The following RABGEF1 variants were observed in gnomAD, a reference collection of about 807,000 sequenced individuals.
RABGEF1 encodes rab5 GDP/GTP exchange factor.
A neutral mutation model predicts 57.3 loss-of-function variants in RABGEF1; 26 were observed. That is an observed-to-expected ratio of 0.45 (90% CI 0.33 to 0.63). RABGEF1 has a LOEUF of 0.63. RABGEF1 is among the 20% of genes least tolerant of loss of function. RABGEF1 has a pLI of 0.02. For missense variants in RABGEF1, 464 were observed against 607.6 expected, an observed-to-expected ratio of 0.76 and a Z score of 2.48; for synonymous variants, 185 against 210.7, an observed-to-expected ratio of 0.88 and a Z score of 1.06.
At chr7:66,805,621 CAT>C (rs1788265048) in intron 8 of RABGEF1, among the ~76,000 whole-genome samples, 1 of 152,244 alleles carries the variant, frequency 6.6e-6, no homozygotes. Flanking sequence ...AAACAGATGA[CAT>C]GTGTTGGGCA....
At chr7:66,755,965 A>G (rs1802608051) in intron 1 of RABGEF1, 1 of 972,456 alleles carries the variant, frequency 1.0e-6, no homozygotes, top group Non-Finnish European at 1.5e-6. Context: ...TGACATTCAC[A>G]TTCATTTTGG....
chr7:66,679,474 A>C (rs569799682), upstream of RABGEF1, among the ~76,000 whole-genome samples: 163 of 152,016 alleles, frequency 1.1e-3, no homozygotes, highest in African/African-American at 3.6e-3. Context: ...ACGCCTGGCT[A>C]ATGTTTGTAT....
intron 1 of RABGEF1, among the ~76,000 whole-genome samples, chr7:66,709,462 A>G (rs1285181022): frequency 2.0e-5 from 3 of 152,310 alleles, no homozygotes; most frequent in African/African-American, 7.2e-5. Flanking sequence ...AAATCAGTAT[A>G]CATATTACAG....
At chr7:66,730,101 C>G (rs954371067) in intron 2 of RABGEF1, among the ~76,000 whole-genome samples, 3 of 152,228 alleles carry the variant, frequency 2.0e-5, no homozygotes, top group Admixed American at 6.5e-5. Flanking sequence ...CTCTTCAGGC[C>G]TCCCTTTCTC....
At chr7:66,683,914 A>C (rs149745361) in intron 1 of RABGEF1, among the ~76,000 whole-genome samples, 2,264 of 152,060 alleles carry the variant, frequency 0.015, 40 homozygotes, top group Non-Finnish European at 0.017. Flanking sequence ...CTGATTTTTA[A>C]AGATTTTGTA....
At chr7:66,803,900 A>C (rs147043305) in intron 7 of RABGEF1, among the ~76,000 whole-genome samples, 1 of 151,732 alleles carries the variant, frequency 6.6e-6, no homozygotes, top group African/African-American at 2.4e-5. Context: ...AAAAAAAAAA[A>C]AAAGAAAGAA....
intron 1 of RABGEF1, among the ~76,000 whole-genome samples, chr7:66,768,299 CCT>C (rs1445308888): frequency 6.6e-6 from 1 of 152,134 alleles, no homozygotes; most frequent in Non-Finnish European, 1.5e-5. Context: ...GTAGCAAAGG[CCT>C]CTCATGGAAA....
At chr7:66,711,377 C>T (rs1167482520) in intron 1 of RABGEF1, among the ~76,000 whole-genome samples, 1 of 149,700 alleles carries the variant, frequency 6.7e-6, no homozygotes, top group African/African-American at 2.4e-5. Context: ...TTTAGTCTTA[C>T]ATTTAGATCT....
intron 2 of RABGEF1, among the ~76,000 whole-genome samples, chr7:66,730,246 T>C (rs1797146711): frequency 6.6e-6 from 1 of 152,146 alleles, no homozygotes. Context: ...CCTGGGAGCA[T>C]TTCCAGCCTC....
intron 1 of RABGEF1, among the ~76,000 whole-genome samples, chr7:66,700,494 G>A (rs1461305013): frequency 6.6e-6 from 1 of 152,086 alleles, no homozygotes; most frequent in Admixed American, 6.6e-5. Flanking sequence ...CCCCGGAGGG[G>A]GAGGTAGGGG....
chr7:66,752,981 C>G (rs1801782508), intron 1 of RABGEF1, among the ~76,000 whole-genome samples: 1 of 152,152 alleles, frequency 6.6e-6, no homozygotes, highest in Non-Finnish European at 1.5e-5. Context: ...CTCCTCAGTT[C>G]CTGGCACTGT....
the RABGEF1 span, among the ~76,000 whole-genome samples, chr7:66,655,351 G>A: frequency 6.6e-6 from 1 of 151,848 alleles, no homozygotes; most frequent in Non-Finnish European, 1.5e-5. Context: ...TAGGCAGCTG[G>A]CGGTGTCTCA....
In RABGEF1 at chr7:66,778,644, AG is replaced by A. The variant is rs1444192336; in HGVS notation, c.346+3252del. On this transcript the variant is annotated intron_variant, in intron 3 of 8. Transcript: ENST00000284957. ...TACCAATACCACCCAGACCTTAGAA[AG>A]TAAACCTATTATTCATTAAAGTGAA... Among the ~76,000 whole-genome samples the A allele has an allele frequency of 3.3e-5, 5 of 152,304 alleles. No individual in the cohort carries two copies. The East Asian group carries it at 9.6e-4, about 29-fold the overall frequency.
At chr7:66,777,924 ATTGT>A (rs1166624005) in intron 3 of RABGEF1, among the ~76,000 whole-genome samples, 2 of 152,060 alleles carry the variant, frequency 1.3e-5, no homozygotes, top group African/African-American at 2.4e-5. Context: ...TGTACTTTAG[ATTGT>A]TTGTTCTTTA....
At chr7:66,732,468 G>C (rs987616197) in intron 2 of RABGEF1, among the ~76,000 whole-genome samples, 3 of 152,076 alleles carry the variant, frequency 2.0e-5, no homozygotes, top group Non-Finnish European at 4.4e-5. Flanking sequence ...GACTTTCCAG[G>C]TGAGAGGAGG....
At chr7:66,744,062 G>C (rs1411577238) in intron 1 of RABGEF1, among the ~76,000 whole-genome samples, 2 of 146,622 alleles carry the variant, frequency 1.4e-5, no homozygotes, top group African/African-American at 2.5e-5. Context: ...TTTTAAGACG[G>C]AGTCTTGATC....
At chr7:66,746,726 C>T (rs1391898388) in intron 1 of RABGEF1, among the ~76,000 whole-genome samples, 3 of 148,360 alleles carry the variant, frequency 2.0e-5, no homozygotes, top group East Asian at 2.0e-4. Context: ...CCGGTTCAAG[C>T]GATTCTTGTG....
intron 1 of RABGEF1, among the ~76,000 whole-genome samples, chr7:66,701,384 C>T (rs142972830): frequency 6.6e-6 from 1 of 152,192 alleles, no homozygotes; most frequent in East Asian, 1.9e-4. Flanking sequence ...CACCAGTAGC[C>T]CCAGCTACTA....
chr7:66,682,790 C>T (rs570700149), intron 1 of RABGEF1, among the ~76,000 whole-genome samples: 1 of 152,312 alleles, frequency 6.6e-6, no homozygotes, highest in East Asian at 1.9e-4. Context: ...AGCCTATGGT[C>T]CTGACTTCCA....
Sources: gnomAD v4.1 joint callset for allele counts (sites outside exome capture counted in the v4.1 genomes callset) on GRCh38, gnomAD v4.1.1 for gene constraint, MANE v1.5 for transcripts, NCBI Gene and HGNC (gene_info 2026-07-23, HGNC 2026-07-21) for gene names.